The following SCAF8 variants were observed in gnomAD, a reference collection of about 807,000 sequenced individuals.
SCAF8 encodes SR-related and CTD-associated factor 8.
In SCAF8, 23 loss-of-function variants were observed where a neutral mutation model predicts 140.5. That is an observed-to-expected ratio of 0.16 (90% CI 0.12 to 0.23). The LOEUF (loss-of-function observed/expected upper bound fraction) is 0.23. Ranked by LOEUF, SCAF8 falls within the 10% of genes least tolerant of loss-of-function variation. The pLI is 1.00. For missense variants in SCAF8, 1,397 were observed against 1,555.7 expected, an observed-to-expected ratio of 0.90 and a Z score of 1.72; for synonymous variants, 575 against 528.9, an observed-to-expected ratio of 1.09 and a Z score of -1.20.
At chr6:154,735,247 A>G (rs1388877229) in intron 1 of SCAF8, among the ~76,000 whole-genome samples, 1 of 152,138 alleles carries the variant, frequency 6.6e-6, no homozygotes, top group Non-Finnish European at 1.5e-5. Flanking sequence ...AGTATCTTTA[A>G]TATTTACCTC....
rs777501564 is a variant in SCAF8, at chr6:154,792,935, C to G, written c.434C>G (p.Pro145Arg). The G allele has an allele frequency of 6.2e-7, 1 of 1,613,840 alleles. No individual in the cohort carries two copies. The highest frequency in any genetic ancestry group is 1.3e-5 in the African/African-American group (1 of 75,026). Residue 145 changes from proline (P) to arginine (R), a missense_variant, in exon 5 of 20, where the codon CCT becomes CGT. By Grantham distance (103) the Pro-to-Arg change is moderately radical. Transcript: ENST00000367178. ...AAGIPPPVVTPVLASTTTAMS... is the reference protein window; with the variant it reads ...AAGIPPPVVTRVLASTTTAMS... ...GGGATTCCGCCTCCAGTTGTCACAC[C>G]TGTTTTGGCCAGCACTACCACTGCT...
chr6:154,799,907 C>T (rs1352596211), intron 6 of SCAF8, among the ~76,000 whole-genome samples: 3 of 151,146 alleles, frequency 2.0e-5, no homozygotes, highest in Non-Finnish European at 4.4e-5. Context: ...GCCTCAGCCT[C>T]CTGAGTAGCT....
At chr6:154,812,072 C>T (rs1331274708) in intron 12 of SCAF8, among the ~76,000 whole-genome samples, 5 of 150,364 alleles carry the variant, frequency 3.3e-5, no homozygotes, top group Non-Finnish European at 7.4e-5. Context: ...GCACAACAAA[C>T]AGCAAAAAAG....
chr6:154,818,355 AAGTC>A, intron 13 of SCAF8, 120 bp from the exon 14 acceptor site: 2 of 421,474 alleles, frequency 4.7e-6, no homozygotes, highest in Non-Finnish European at 8.4e-6. Flanking sequence ...AGGGGAAAAT[AAGTC>A]AGTAATCTAT....
At chr6:154,758,622 G>A (rs910700692) in intron 1 of SCAF8, among the ~76,000 whole-genome samples, 1 of 152,004 alleles carries the variant, frequency 6.6e-6, no homozygotes, top group Non-Finnish European at 1.5e-5. Flanking sequence ...TTTTTTCTCT[G>A]TTTCTCTGGC....
intron 6 of SCAF8, among the ~76,000 whole-genome samples, chr6:154,800,236 G>A (rs576678640): frequency 4.6e-5 from 7 of 151,446 alleles, no homozygotes; most frequent in South Asian, 4.2e-4. Flanking sequence ...CCACTGGAAT[G>A]TATGCTAAAC....
intron 3 of SCAF8, among the ~76,000 whole-genome samples, chr6:154,784,062 G>A (rs1185289498): frequency 6.8e-6 from 1 of 146,974 alleles, no homozygotes; most frequent in South Asian, 2.1e-4. Context: ...GCGAGACTCC[G>A]TCTCAAAAAA....
chr6:154,763,688 G>A (rs75149359), intron 1 of SCAF8, among the ~76,000 whole-genome samples: 64 of 152,156 alleles, frequency 4.2e-4, no homozygotes, highest in African/African-American at 1.5e-3. Context: ...TTAATGCATA[G>A]AGGAGGGGAG....
intron 1 of SCAF8, among the ~76,000 whole-genome samples, chr6:154,752,861 A>G (rs554119422): frequency 9.2e-4 from 140 of 152,316 alleles, no homozygotes; most frequent in Middle Eastern, 6.8e-3. Flanking sequence ...AGCTGGGATT[A>G]TAGGCACTTG....
At chr6:154,823,321 G>GTT (rs1778474729) in intron 16 of SCAF8, among the ~76,000 whole-genome samples, 1 of 152,178 alleles carries the variant, frequency 6.6e-6, no homozygotes, top group Non-Finnish European at 1.5e-5. Context: ...GATTGCACTG[G>GTT]TTACTATTTT....
intron 3 of SCAF8, among the ~76,000 whole-genome samples, chr6:154,787,513 G>GCTAGAGCCCTTCTTTC (rs1440179071): frequency 2.6e-5 from 4 of 152,220 alleles, no homozygotes; most frequent in Admixed American, 6.5e-5. Flanking sequence ...CAGTGTGTTT[G>GCTAGAGCCCTTCTTTC]CTAGAGCCCT....
intron 15 of SCAF8, 98 bp downstream of exon 15, chr6:154,820,431 G>C: frequency 1.0e-6 from 1 of 956,920 alleles, no homozygotes; most frequent in Non-Finnish European, 1.6e-6. Flanking sequence ...GTGTATCCTG[G>C]ATTCATCTCC....
chr6:154,804,086 C>T (rs1366054459), intron 8 of SCAF8, among the ~76,000 whole-genome samples: 1 of 151,102 alleles, frequency 6.6e-6, no homozygotes, highest in Non-Finnish European at 1.5e-5. Flanking sequence ...AAATCAGTTA[C>T]TTTTTTTTCC....
At chr6:154,734,030 A>C (rs1281503119) in intron 1 of SCAF8, 100 bp downstream of exon 1, 3 of 1,410,008 alleles carry the variant, frequency 2.1e-6, no homozygotes, top group African/African-American at 1.5e-5. Flanking sequence ...CGGGTTTTTT[A>C]AGGGTGGGGT....
rs1306384869 is a variant in SCAF8, at chr6:154,735,141, AAAAG to A, written c.30+1215_30+1218del. On this transcript the variant is annotated intron_variant, in intron 1 of 19. Transcript: ENST00000367178. ...TCTGTCTACAAAAAAAAAAAAAAGA[AAAAG>A]AAAAAGTGTAATTATGCTGGTAACT... Among the ~76,000 whole-genome samples, 444 of 152,120 alleles carry A rather than the reference AAAAG, an allele frequency of 2.9e-3. 3 individuals are homozygous for A. The highest frequency in any genetic ancestry group is 0.01 in the African/African-American group (432 of 41,486).
At chr6:154,752,098 T>C (rs115693751) in intron 1 of SCAF8, among the ~76,000 whole-genome samples, 1 of 152,232 alleles carries the variant, frequency 6.6e-6, no homozygotes, top group Non-Finnish European at 1.5e-5. Flanking sequence ...TGATGGCTAC[T>C]TTGTGACTAC....
At chr6:154,767,626 G>T (rs1776620197) in intron 1 of SCAF8, among the ~76,000 whole-genome samples, 1 of 144,118 alleles carries the variant, frequency 6.9e-6, no homozygotes, top group Non-Finnish European at 1.5e-5. Context: ...AGCAACCTGT[G>T]CCTCCTGGGC....
chr6:154,769,510 T>G (rs1335759928), intron 1 of SCAF8, among the ~76,000 whole-genome samples: 1 of 152,222 alleles, frequency 6.6e-6, no homozygotes, highest in Non-Finnish European at 1.5e-5. Context: ...TATGATTTGA[T>G]TGGTCCTTTA....
At chr6:154,800,659 A>G (rs1777747190) in intron 6 of SCAF8, among the ~76,000 whole-genome samples, 2 of 151,352 alleles carry the variant, frequency 1.3e-5, no homozygotes, top group Admixed American at 6.6e-5. Flanking sequence ...GGTAATGATT[A>G]TGAAAAATAG....
Sources: gnomAD v4.1 joint callset for allele counts (sites outside exome capture counted in the v4.1 genomes callset) on GRCh38, gnomAD v4.1.1 for gene constraint, MANE v1.5 for transcripts, NCBI Gene and HGNC (gene_info 2026-07-23, HGNC 2026-07-21) for gene names.